Variants in RNF170 observed in about 807,000 individuals in gnomAD.
RNF170 encodes ring finger protein 170, also known as E3 ubiquitin-protein ligase RNF170.
Under a neutral mutation model 32.7 loss-of-function variants are expected in RNF170, and 12 were observed. The observed-to-expected ratio is 0.37, with a 90% CI of 0.24 to 0.60. The LOEUF (loss-of-function observed/expected upper bound fraction) is 0.60, where lower values mean the gene tolerates loss of function less well. Ranked by LOEUF, RNF170 falls within the 20% of genes least tolerant of loss-of-function variation. The pLI is 0.72. For synonymous variants in RNF170, 91 were observed against 103.6 expected (o/e 0.88, Z 0.74); for missense variants, 212 against 311.2 (o/e 0.68, Z 2.40).
chr8:42,878,410 CA>C (rs1805123991), intron 2 of RNF170, among the ~76,000 whole-genome samples: 1 of 152,122 alleles, frequency 6.6e-6, no homozygotes, highest in Non-Finnish European at 1.5e-5. Context: ...GATAAAAAAG[CA>C]AAACAGCTTT....
At chr8:42,876,309 AAAC>A (rs1476133928) in intron 2 of RNF170, among the ~76,000 whole-genome samples, 1 of 151,974 alleles carries the variant, frequency 6.6e-6, no homozygotes, top group African/African-American at 2.4e-5. Flanking sequence ...TTGTGAAGCC[AAAC>A]AACAAGAACA....
At chr8:42,886,110 G>C (rs1276591009) in intron 2 of RNF170, among the ~76,000 whole-genome samples, 1 of 152,012 alleles carries the variant, frequency 6.6e-6, no homozygotes, top group Non-Finnish European at 1.5e-5. Flanking sequence ...TGTAGTCCCA[G>C]CTACTCAGGA....
At chr8:42,889,631 A>G (rs916119417) in intron 1 of RNF170, among the ~76,000 whole-genome samples, 2 of 152,198 alleles carry the variant, frequency 1.3e-5, no homozygotes, top group Non-Finnish European at 2.9e-5. Context: ...AAACAGATGA[A>G]AGGCAGCTTT....
At position 42,894,243 on chromosome 8, in the gene RNF170, A is replaced by T. The variant is rs189762020; in HGVS notation, c.-8+2241T>A. Among the ~76,000 whole-genome samples, 102 of 152,346 alleles carry T rather than the reference A, an allele frequency of 6.7e-4. 1 individual carries two copies. The East Asian group carries it at 0.018, about 27-fold the overall frequency. ...CACTGTGGATATGCAGCCAAGCTTG[A>T]AAAAGGAGACTTTAGGTCCATTGTG... On this transcript the variant is annotated intron_variant, in intron 1 of 6. Transcript: ENST00000527424.
chr8:42,880,951 ATTGT>A (rs1325013756), intron 2 of RNF170, among the ~76,000 whole-genome samples: 1 of 152,208 alleles, frequency 6.6e-6, no homozygotes, highest in Non-Finnish European at 1.5e-5. Flanking sequence ...AAGTATGTAC[ATTGT>A]TTATTAGACA....
At chr8:42,891,175 A>G (rs1806270476) in intron 1 of RNF170, among the ~76,000 whole-genome samples, 1 of 152,190 alleles carries the variant, frequency 6.6e-6, no homozygotes. Context: ...TTTAGTTCCA[A>G]TTCTGTTACA....
At chr8:42,890,521 C>T (rs1032900079) in intron 1 of RNF170, among the ~76,000 whole-genome samples, 1 of 152,102 alleles carries the variant, frequency 6.6e-6, no homozygotes, top group Admixed American at 6.6e-5. Flanking sequence ...TCGTGATACA[C>T]CCACTTCAGC....
At chr8:42,850,995 A>G (rs1400411717), downstream of RNF170, 12 of 1,550,994 alleles carry the variant, frequency 7.7e-6, no homozygotes, top group Non-Finnish European at 9.6e-6. Context: ...TCTCTGATGA[A>G]CCCTACACAC....
chr8:42,887,847 A>C lies in RNF170; in HGVS notation c.18T>G (p.Gly6=), dbSNP rs751443204. 6.2e-7 allele frequency: 1 copy of C among 1,613,980 alleles called. No individual in the cohort carries two copies. Among genetic ancestry groups the C allele is most frequent in the Non-Finnish European group, 8.5e-7 (1 of 1,179,870 alleles). Residue 6 remains glycine (G), a synonymous_variant, in exon 2 of 7, where the codon GGT becomes GGG. Transcript: ENST00000527424. The part of the protein sequence containing the change: MAKYQ[G]EVQSLKLDDD... The stretch of plus-strand genomic sequence containing the variant: ...CATCCAGTTTCAAACTTTGAACTTC[A>C]CCTTGATATTTGGCCATTCCAGGTC...
chr8:42,876,658 T>G (rs1028683744), intron 2 of RNF170, among the ~76,000 whole-genome samples: 21 of 93,106 alleles, frequency 2.3e-4, no homozygotes, highest in African/African-American at 9.9e-4. Context: ...TTTTTGTGGG[T>G]TTTTTTTTTT....
chr8:42,879,890 G>A (rs1429358115), intron 2 of RNF170, among the ~76,000 whole-genome samples: 1 of 152,048 alleles, frequency 6.6e-6, no homozygotes, highest in Admixed American at 6.6e-5. Flanking sequence ...GGCCAGGCTG[G>A]TCTCAAACTC....
chr8:42,867,927 C>T (rs1232892836), intron 4 of RNF170, among the ~76,000 whole-genome samples: 1 of 151,790 alleles, frequency 6.6e-6, no homozygotes, highest in East Asian at 1.9e-4. Context: ...AGAGGGAGGA[C>T]ACTTCAGGTT....
chr8:42,856,195 C>T lies in RNF170; in HGVS notation c.741G>A (p.Met247Ile), dbSNP rs773666384. 1.2e-6 allele frequency: 2 copies of T among 1,610,250 alleles called. No homozygotes were observed. Among genetic ancestry groups the T allele is most frequent in the South Asian group, 1.1e-5 (1 of 90,944 alleles). Residue 247 changes from methionine to isoleucine, a missense_variant, in exon 7 of 7, where the codon ATG (methionine) becomes ATA (isoleucine). By Grantham distance (10) the Met-to-Ile change is conservative. This residue lies in a region of RNF170 where 97 missense variants were observed against 178.9 expected (regional missense o/e 0.54). Transcript: ENST00000527424. Reference protein sequence around the residue: ...IFLLLIYISIMYREVITQRLT... With the variant: ...IFLLLIYISIIYREVITQRLT... ...GCCTTTGGGTTATCACTTCTCGATA[C>T]ATAATAGAGATGTAGATAAGCAATA...
At chr8:42,852,380 A>G (rs193163367), downstream of RNF170, among the ~76,000 whole-genome samples, 1 of 152,208 alleles carries the variant, frequency 6.6e-6, no homozygotes, top group Admixed American at 6.5e-5. Flanking sequence ...TAAACTTATC[A>G]TTGGTATGGT....
chr8:42,891,538 CATT>C (rs1205365484), intron 1 of RNF170, among the ~76,000 whole-genome samples: 2 of 152,158 alleles, frequency 1.3e-5, no homozygotes, highest in Non-Finnish European at 2.9e-5. Context: ...CTAATCAGAT[CATT>C]ATAACTGTAC....
intron 6 of RNF170, among the ~76,000 whole-genome samples, chr8:42,859,622 C>T (rs1803505177): frequency 6.6e-6 from 1 of 151,796 alleles, no homozygotes; most frequent in East Asian, 2.0e-4. Context: ...GAGAATCTGT[C>T]TCAAACAACA....
Position 42,887,850 on chromosome 8 carries a change from T to G in RNF170, c.15A>C (p.Gln5His), listed in dbSNP as rs1305032382. The G allele has an allele frequency of 1.9e-6, 3 of 1,613,864 alleles. No individual in the cohort carries two copies. Among genetic ancestry groups the G allele is most frequent in the Non-Finnish European group, 2.5e-6 (3 of 1,179,870 alleles). MAKY[Q>H]GEVQSLKLDD... ...CCAGTTTCAAACTTTGAACTTCACC[T>G]TGATATTTGGCCATTCCAGGTCTAA... Residue 5 changes from glutamine (Q) to histidine (H), a missense_variant, in exon 2 of 7, where the codon CAA (glutamine) becomes CAC (histidine). Physicochemically the swap from Gln to His is conservative, Grantham distance 24. Around this residue, in one of 2 missense-constraint regions of RNF170, gnomAD observed 115 missense variants for 132.3 expected, o/e 0.87. Transcript: ENST00000527424.
intron 5 of RNF170, 60 bp downstream of exon 5, chr8:42,865,356 A>T: frequency 7.5e-7 from 1 of 1,335,940 alleles, no homozygotes; most frequent in African/African-American, 1.4e-5. Context: ...AGATACAAAA[A>T]CTATAAAAAT....
At chr8:42,872,723 G>A (rs62515909) in intron 3 of RNF170, among the ~76,000 whole-genome samples, 7,203 of 152,128 alleles carry the variant, frequency 0.047, 231 homozygotes, top group South Asian at 0.082. Context: ...TTACAGGCGT[G>A]AGCCACTGCA....
Sources: allele counts gnomAD v4.1 joint callset (sites outside exome capture counted in the v4.1 genomes callset), GRCh38; gene constraint gnomAD v4.1.1; regional missense constraint gnomAD v4.1.1; transcripts MANE v1.5; gene names NCBI Gene and HGNC (gene_info 2026-07-23, HGNC 2026-07-21).